The following SNTG1 variants were observed in gnomAD, a reference collection of about 807,000 sequenced individuals.
SNTG1 encodes the protein syntrophin gamma 1, also known as gamma-1-syntrophin.
In SNTG1, 39 loss-of-function variants were observed where a neutral mutation model predicts 74.7. The observed-to-expected ratio is 0.52, with a 90% CI of 0.40 to 0.68. The LOEUF (loss-of-function observed/expected upper bound fraction) is 0.68. Among genes scored for constraint, SNTG1 ranks in the 30% least tolerant of loss-of-function variants. SNTG1 has a pLI of 0.00. For missense variants in SNTG1, 685 were observed against 609.5 expected, an observed-to-expected ratio of 1.12 and a Z score of -1.30; for synonymous variants, 254 against 217.1, an observed-to-expected ratio of 1.17 and a Z score of -1.49.
intron 9 of SNTG1, among the ~76,000 whole-genome samples, chr8:50,520,101 C>A (rs989473870): frequency 2.0e-5 from 3 of 152,146 alleles, no homozygotes; most frequent in Non-Finnish European, 2.9e-5. Context: ...ACATACAGAC[C>A]AGTGGAACAG....
chr8:50,442,970 A>G (rs960712808), intron 5 of SNTG1, among the ~76,000 whole-genome samples: 6 of 152,028 alleles, frequency 3.9e-5, no homozygotes, highest in Non-Finnish European at 8.8e-5. Context: ...CAGCCCCACC[A>G]ACTCTTGTCT....
At chr8:50,679,974 A>G (rs968844266) in intron 15 of SNTG1, among the ~76,000 whole-genome samples, 2 of 152,132 alleles carry the variant, frequency 1.3e-5, no homozygotes, top group Non-Finnish European at 2.9e-5. Context: ...AGGGGACCTT[A>G]CCTGGCCTCC....
At chr8:50,776,750 G>A (rs977909302) in intron 18 of SNTG1, among the ~76,000 whole-genome samples, 1 of 151,494 alleles carries the variant, frequency 6.6e-6, no homozygotes, top group East Asian at 1.9e-4. Flanking sequence ...TCCTTTTTAA[G>A]CCATGCTTTT....
intron 1 of SNTG1, among the ~76,000 whole-genome samples, chr8:50,089,812 CT>C (rs1208878511): frequency 6.6e-6 from 1 of 152,094 alleles, no homozygotes; most frequent in Non-Finnish European, 1.5e-5. Flanking sequence ...GTCGGTGGGA[CT>C]GTAAACTAGT....
intron 2 of SNTG1, among the ~76,000 whole-genome samples, chr8:50,231,695 G>C (rs2085636248): frequency 6.6e-6 from 1 of 151,324 alleles, no homozygotes; most frequent in African/African-American, 2.4e-5. Context: ...AGAATAGAAA[G>C]GTGGTTACAA....
At chr8:50,575,096 G>C (rs2094569723) in intron 12 of SNTG1, among the ~76,000 whole-genome samples, 1 of 152,164 alleles carries the variant, frequency 6.6e-6, no homozygotes, top group Non-Finnish European at 1.5e-5. Flanking sequence ...ACTAGGTACT[G>C]AGTGTGGTGG....
rs1349470802 is a variant in SNTG1 at position 50,745,050 on chromosome 8, T to C, written c.1285-6951T>C. 2.0e-5 allele frequency among the ~76,000 whole-genome samples: 3 copies of C among 152,018 alleles called. No homozygotes were observed. In the East Asian group the frequency reaches 5.8e-4, roughly 30 times the overall value. On this transcript the variant is annotated intron_variant, in intron 17 of 18. Coordinates refer to ENST00000642720, the MANE Select transcript of SNTG1 (RefSeq NM_018967.5). The stretch of plus-strand genomic sequence containing the variant: ...GGCAACAAAATAAAAGATAGATAAA[T>C]TGGACAACATTAAAGCGAATGACTT...
At chr8:50,442,681 A>G (rs966581794) in intron 5 of SNTG1, among the ~76,000 whole-genome samples, 1 of 4,518 alleles carries the variant, frequency 2.2e-4, no homozygotes, top group Non-Finnish European at 7.7e-4. Context: ...GTCTATCAGT[A>G]AAAAAAAAAA....
At chr8:50,264,113 A>G (rs1338224912) in intron 2 of SNTG1, among the ~76,000 whole-genome samples, 1 of 152,222 alleles carries the variant, frequency 6.6e-6, no homozygotes, top group Non-Finnish European at 1.5e-5. Context: ...TACAACGGAA[A>G]TTAGAAAATA....
chr8:50,094,813 C>T (rs545967722), intron 1 of SNTG1, among the ~76,000 whole-genome samples: 23 of 152,112 alleles, frequency 1.5e-4, no homozygotes, highest in African/African-American at 4.3e-4. Flanking sequence ...TGGGTATATA[C>T]GCAGAGGAAT....
chr8:50,004,697 G>A (rs938580812), intron 1 of SNTG1, among the ~76,000 whole-genome samples: 2 of 152,170 alleles, frequency 1.3e-5, no homozygotes, highest in East Asian at 1.9e-4. Flanking sequence ...ATTTCTATGC[G>A]GAGATTTCTG....
chr8:50,437,428 A>G lies in SNTG1; in HGVS notation c.163-1115A>G, dbSNP rs531860753. 3.9e-5 allele frequency among the ~76,000 whole-genome samples: 6 copies of G among 152,282 alleles called. No individual in the cohort carries two copies. The South Asian group carries it at 1.2e-3, about 32-fold the overall frequency. On this transcript the variant is annotated intron_variant, in intron 4 of 18. Transcript: ENST00000642720. ...TTGCCAAAATGAAGAGTCTTATGCTATCTTAAAATATTTAGCAAGAGCCAC... is the reference window on the plus strand; with the variant it reads ...TTGCCAAAATGAAGAGTCTTATGCTGTCTTAAAATATTTAGCAAGAGCCAC...
At chr8:50,232,098 A>T (rs986251104) in intron 2 of SNTG1, among the ~76,000 whole-genome samples, 17 of 151,412 alleles carry the variant, frequency 1.1e-4, no homozygotes, top group South Asian at 4.1e-4. Context: ...TGAAGCTAGC[A>T]CTACTGTTCC....
At chr8:50,147,476 T>G (rs1252797872) in intron 1 of SNTG1, among the ~76,000 whole-genome samples, 1 of 152,194 alleles carries the variant, frequency 6.6e-6, no homozygotes, top group Non-Finnish European at 1.5e-5. Flanking sequence ...AAATGGAGGT[T>G]AGAAATTTTG....
intron 1 of SNTG1, among the ~76,000 whole-genome samples, chr8:49,946,279 A>G (rs968529322): frequency 6.6e-5 from 10 of 152,204 alleles, no homozygotes; most frequent in Non-Finnish European, 1.0e-4. Flanking sequence ...ACTCTTAAGC[A>G]TATAAAAGTC....
chr8:50,406,976 T>C (rs971843362), intron 4 of SNTG1, among the ~76,000 whole-genome samples: 1 of 152,164 alleles, frequency 6.6e-6, no homozygotes, highest in Admixed American at 6.5e-5. Context: ...AGATATTCTT[T>C]GAGAAAAACT....
chr8:49,969,261 G>C (rs1478365424), intron 1 of SNTG1, among the ~76,000 whole-genome samples: 2 of 151,786 alleles, frequency 1.3e-5, no homozygotes, highest in Non-Finnish European at 2.9e-5. Flanking sequence ...TAATAATTCA[G>C]AGAGAGGCAT....
chr8:50,442,643 G>C (rs569467585), intron 5 of SNTG1, among the ~76,000 whole-genome samples: 2 of 123,188 alleles, frequency 1.6e-5, no homozygotes, highest in Admixed American at 2.0e-4. Flanking sequence ...TCACATACTT[G>C]TGTGCCTTTT....
chr8:50,537,089 A>T (rs2094313732), intron 11 of SNTG1, among the ~76,000 whole-genome samples: 1 of 152,132 alleles, frequency 6.6e-6, no homozygotes. Flanking sequence ...TTAATTGTTT[A>T]CTTCTCAAGA....
Sources: allele counts gnomAD v4.1 joint callset (sites outside exome capture counted in the v4.1 genomes callset), GRCh38; gene constraint gnomAD v4.1.1; transcripts MANE v1.5; gene names NCBI Gene and HGNC (gene_info 2026-07-23, HGNC 2026-07-21).